The following CEP85L variants were observed in gnomAD, a reference collection of about 807,000 sequenced individuals.
CEP85L encodes the protein centrosomal protein of 85 kDa-like.
A neutral mutation model predicts 100.3 loss-of-function variants in CEP85L; 60 were observed. The ratio of observed to expected loss-of-function variants is 0.60; its 90% CI spans 0.49 to 0.74. The LOEUF (loss-of-function observed/expected upper bound fraction) is 0.74, where lower values mean the gene tolerates loss of function less well. Ranked by LOEUF, CEP85L falls within the 30% of genes least tolerant of loss-of-function variation. The pLI is 0.00. For synonymous variants in CEP85L, 319 were observed against 322.7 expected (o/e 0.99, Z 0.12); for missense variants, 973 against 936.2 (o/e 1.04, Z -0.51).
chr6:118,600,301 GTGTGTGTGTGTGTGTGTGTGTGTGT>G (rs1352935659), intron 2 of CEP85L, among the ~76,000 whole-genome samples: 4 of 30,422 alleles, frequency 1.3e-4, no homozygotes, highest in African/African-American at 3.8e-4. Flanking sequence ...CTTCCTGGGG[GTGTGTGTGTGTGTGTGTGTGTGTGT>G]GTGTGTGTGT....
intron 5 of CEP85L, among the ~76,000 whole-genome samples, chr6:118,499,418 C>T (rs753581547): frequency 6.6e-6 from 1 of 152,162 alleles, no homozygotes; most frequent in Non-Finnish European, 1.5e-5. Flanking sequence ...GTAATCCCAG[C>T]ACTTTGGGAG....
At chr6:118,700,781 A>G (rs1248047087) in intron 1 of CEP85L, among the ~76,000 whole-genome samples, 2 of 152,242 alleles carry the variant, frequency 1.3e-5, no homozygotes, top group African/African-American at 4.8e-5. Context: ...TAACAGCATC[A>G]TCAGACAGGA....
At chr6:118,600,858 C>G (rs544575253) in intron 2 of CEP85L, among the ~76,000 whole-genome samples, 2 of 151,020 alleles carry the variant, frequency 1.3e-5, no homozygotes, top group South Asian at 4.2e-4. Context: ...AAAATTGAGG[C>G]GTGTGTTCAA....
At chr6:118,590,930 G>GGTCATC (rs781040947) in intron 2 of CEP85L, among the ~76,000 whole-genome samples, 1 of 152,018 alleles carries the variant, frequency 6.6e-6, no homozygotes, top group Non-Finnish European at 1.5e-5. Flanking sequence ...GTGTTCCTCC[G>GGTCATC]GTCATCGGAG....
intron 2 of CEP85L, among the ~76,000 whole-genome samples, chr6:118,611,395 A>G (rs191541901): frequency 9.1e-4 from 138 of 152,332 alleles, no homozygotes; most frequent in Non-Finnish European, 1.8e-3. Context: ...AGAGACACTG[A>G]AAAACACAGA....
intron 1 of CEP85L, among the ~76,000 whole-genome samples, chr6:118,679,885 A>G (rs1776595968): frequency 6.6e-6 from 1 of 152,098 alleles, no homozygotes; most frequent in Admixed American, 6.5e-5. Context: ...TTGCAGAAAA[A>G]GAGGGTGTTT....
At chr6:118,465,931 A>T in intron 12 of CEP85L, among the ~76,000 whole-genome samples, 1 of 152,028 alleles carries the variant, frequency 6.6e-6, no homozygotes, top group Non-Finnish European at 1.5e-5. Flanking sequence ...TTTGTGTAGT[A>T]AGAGGTGGTA....
At chr6:118,494,037 A>C (rs1170701105) in intron 5 of CEP85L, among the ~76,000 whole-genome samples, 1 of 152,208 alleles carries the variant, frequency 6.6e-6, no homozygotes, top group Non-Finnish European at 1.5e-5. Context: ...TCTGTGAGAG[A>C]AATGAGGTTA....
chr6:118,535,506 T>C (rs964486003), intron 3 of CEP85L, among the ~76,000 whole-genome samples: 4 of 152,186 alleles, frequency 2.6e-5, no homozygotes, highest in Non-Finnish European at 2.9e-5. Flanking sequence ...CAGTCAACCG[T>C]TGCCTGAAAA....
chr6:118,565,714 T>C lies in CEP85L; in HGVS notation c.835A>G (p.Met279Val). Residue 279 changes from methionine to valine, a missense_variant, in exon 3 of 13, where the codon ATG becomes GTG. Around this residue, in one of 3 missense-constraint regions of CEP85L, gnomAD observed 890 missense variants for 844.5 expected, o/e 1.05. Transcript: ENST00000368491. Reference protein sequence around the residue: ...SEAFEPPKYLMLGQQAVGGVP... With the variant: ...SEAFEPPKYLVLGQQAVGGVP... ...CCACCTACTGCCTGTTGACCAAGCA[T>C]TAAATATTTTGGAGGTTCAAAAGCC... 1 of 1,614,174 alleles carries C rather than the reference T, an allele frequency of 6.2e-7. No homozygotes were observed. The highest frequency in any genetic ancestry group is 2.2e-5 in the East Asian group (1 of 44,888).
chr6:118,667,617 A>C (rs1434765858), intron 1 of CEP85L, among the ~76,000 whole-genome samples: 1 of 152,234 alleles, frequency 6.6e-6, no homozygotes, highest in African/African-American at 2.4e-5. Context: ...AGGAAGAAGA[A>C]AAAAGAGCCC....
At chr6:118,583,958 A>G (rs1160251837) in intron 2 of CEP85L, among the ~76,000 whole-genome samples, 1 of 152,184 alleles carries the variant, frequency 6.6e-6, no homozygotes, top group African/African-American at 2.4e-5. Context: ...TTTTCTGTAC[A>G]CCGTTACATC....
intron 3 of CEP85L, chr6:118,560,132 T>C (rs1583050204): frequency 6.0e-6 from 1 of 167,162 alleles, no homozygotes; most frequent in East Asian, 1.9e-4. Flanking sequence ...AATTATTAGA[T>C]TATATTTTGA....
intron 3 of CEP85L, among the ~76,000 whole-genome samples, chr6:118,524,221 G>A (rs1776830644): frequency 6.6e-6 from 1 of 152,140 alleles, no homozygotes; most frequent in South Asian, 2.1e-4. Context: ...AGCACTTTGG[G>A]AGGCCGAGGT....
chr6:118,522,369 A>G (rs1776717762), intron 4 of CEP85L, among the ~76,000 whole-genome samples: 1 of 152,198 alleles, frequency 6.6e-6, no homozygotes, highest in African/African-American at 2.4e-5. Flanking sequence ...TCAATTATAT[A>G]AAATTGCACC....
Position 118,651,525 on chromosome 6 carries a change from G to T in CEP85L, c.-256C>A, listed in dbSNP as rs1189100699. 2 of 1,274,424 alleles carry T rather than the reference G, an allele frequency of 1.6e-6. No individual in the cohort carries two copies. The highest frequency in any genetic ancestry group is 3.1e-5 in the African/African-American group (2 of 64,078). The allele number at this position is 1,274,424 out of a possible 1,614,324, so 78.9% of individuals were successfully genotyped here. A position where few individuals can be genotyped will look rare whatever the true frequency, so the allele number is the denominator to read the frequency against. ...GGGGAAGCGGCGACTCGGCGGTGAC[G>T]GCTGCTAGATCCCCGGCTGAGCCCA... is the stretch of plus-strand genomic sequence containing the variant. On this transcript the variant is annotated 5_prime_UTR_variant, in exon 1 of 13. Coordinates refer to ENST00000368491, the MANE Select transcript of CEP85L (RefSeq NM_001042475.3).
At chr6:118,628,537 A>G (rs1296858490) in intron 2 of CEP85L, among the ~76,000 whole-genome samples, 3 of 151,992 alleles carry the variant, frequency 2.0e-5, no homozygotes, top group Non-Finnish European at 4.4e-5. Context: ...GAACATAATT[A>G]TTTAATTAAA....
intron 3 of CEP85L, among the ~76,000 whole-genome samples, chr6:118,529,263 C>T (rs1488050297): frequency 6.6e-6 from 1 of 152,146 alleles, no homozygotes; most frequent in Non-Finnish European, 1.5e-5. Flanking sequence ...TTCTCTTACA[C>T]ATTTGATGAG....
intron 3 of CEP85L, among the ~76,000 whole-genome samples, chr6:118,543,559 T>C (rs1465628219): frequency 3.3e-5 from 5 of 152,204 alleles, no homozygotes; most frequent in Admixed American, 2.0e-4. Flanking sequence ...ATAAGAGATA[T>C]TCACTTATTA....
Sources: gnomAD v4.1 joint callset for allele counts (sites outside exome capture counted in the v4.1 genomes callset) on GRCh38, gnomAD v4.1.1 for gene constraint, gnomAD v4.1.1 regional missense constraint, MANE v1.5 for transcripts, NCBI Gene and HGNC (gene_info 2026-07-23, HGNC 2026-07-21) for gene names.